NDUFS1: variants seen among roughly 807,000 people sequenced by gnomAD.
NDUFS1 encodes NADH-ubiquinone oxidoreductase 75 kDa subunit, mitochondrial.
A neutral mutation model predicts 84.4 loss-of-function variants in NDUFS1; 61 were observed. The ratio of observed to expected loss-of-function variants is 0.72; its 90% confidence interval spans 0.59 to 0.89. The LOEUF (loss-of-function observed/expected upper bound fraction) is 0.89, where lower values mean the gene tolerates loss of function less well. NDUFS1 is among the 40% of genes least tolerant of loss of function. The pLI, the probability that NDUFS1 is intolerant of heterozygous loss-of-function variation, is 0.00. For missense variants in NDUFS1, 891 were observed against 890.0 expected, an observed-to-expected ratio of 1.00 and a Z score of -0.01; for synonymous variants, 275 against 290.0, an observed-to-expected ratio of 0.95 and a Z score of 0.53.
At chr2:206,155,968 A>G (rs538588533) in intron 1 of NDUFS1, among the ~76,000 whole-genome samples, 1 of 151,972 alleles carries the variant, frequency 6.6e-6, no homozygotes, top group South Asian at 2.1e-4. Context: ...TTGAGCATCC[A>G]AAATCATTTG....
In NDUFS1 at chr2:206,158,655, A is replaced by T. The variant is rs191652180; in HGVS notation, c.-5+686T>A. Among the ~76,000 whole-genome samples, 261 of 152,366 alleles carry T rather than the reference A, an allele frequency of 1.7e-3. 2 individuals carry two copies. The highest frequency in any genetic ancestry group is 3.4e-3 in the Middle Eastern group (1 of 294). On this transcript the variant is annotated intron_variant, in intron 1 of 18. Coordinates refer to ENST00000233190, the MANE Select transcript of NDUFS1 (RefSeq NM_005006.7). The stretch of plus-strand genomic sequence containing the variant: ...CAAAAATAACTTGTTTATTCATCAA[A>T]AACAGTTAACGTTACACTTCTATAC...
Position 206,116,639 on chromosome 2 carries a change from A to G in NDUFS1, c.*7546T>C. Reference sequence around the variant, plus strand: ...GTTGGCTCACATGTGTAATTCCAGAACTTTGGGAGGTCAAGGTGGGAGGAG... The same window carrying G: ...GTTGGCTCACATGTGTAATTCCAGAGCTTTGGGAGGTCAAGGTGGGAGGAG... On this transcript the variant is annotated 3_prime_UTR_variant, in exon 19 of 19. Coordinates refer to ENST00000233190, the MANE Select transcript of NDUFS1 (RefSeq NM_005006.7). 2.3e-6 allele frequency: 1 copy of G among 433,228 alleles called. No homozygotes were observed. Among genetic ancestry groups the G allele is most frequent in the Non-Finnish European group, 4.3e-6 (1 of 234,794 alleles). The allele number at this position is 433,228 out of a possible 1,614,324, so 26.8% of individuals were successfully genotyped here.
intron 15 of NDUFS1, 72 bp downstream of exon 15, chr2:206,130,016 T>G (rs1691442897): frequency 6.4e-7 from 1 of 1,569,860 alleles, no homozygotes; most frequent in African/African-American, 1.4e-5. Context: ...TCACTAAATA[T>G]ATTACTAAAT....
intron 12 of NDUFS1, among the ~76,000 whole-genome samples, chr2:206,141,132 G>A (rs963637416): frequency 1.3e-5 from 2 of 152,096 alleles, no homozygotes; most frequent in Non-Finnish European, 2.9e-5. Context: ...AGAAATTGTT[G>A]CAACTGGGCG....
chr2:206,156,046 G>A (rs1461357488), intron 1 of NDUFS1, among the ~76,000 whole-genome samples: 3 of 151,144 alleles, frequency 2.0e-5, no homozygotes, highest in African/African-American at 2.4e-5. Context: ...GGTGGATCAC[G>A]AGGTCAAGAG....
rs559147044 is a variant in NDUFS1 at position 206,147,609 on chromosome 2, C to T, written c.473G>A (p.Arg158His). ...NDRSRFLEGK[R>H]AVEDKNIGPL... ...CCCAATGTTCTTGTCTTCCACAGCA[C>T]GCTTCCCCTCTAAAAATCGGCTCCT... Residue 158 changes from arginine to histidine, a missense_variant, in exon 7 of 19, where the codon CGT becomes CAT. Physicochemically the swap from Arg to His is conservative, Grantham distance 29. Transcript: ENST00000233190. The T allele has an allele frequency of 4.0e-5, 65 of 1,614,112 alleles. No individual in the cohort carries two copies. The highest frequency in any genetic ancestry group is 9.3e-5 in the African/African-American group (7 of 75,030).
chr2:206,132,601 A>G (rs1251704313), intron 14 of NDUFS1, among the ~76,000 whole-genome samples: 3 of 152,222 alleles, frequency 2.0e-5, no homozygotes, highest in African/African-American at 4.8e-5. Flanking sequence ...AAAAGAAAAA[A>G]AAAGAAAGAA....
At chr2:206,150,028 T>TCTATCTATCTATCTAA in intron 3 of NDUFS1, 103 bp from the exon 4 acceptor site, 1 of 694,628 alleles carries the variant, frequency 1.4e-6, no homozygotes, top group Non-Finnish European at 2.5e-6. Context: ...ATTACTTCTA[T>TCTATCTATCTATCTAA]CTATCTATCT....
At position 206,116,490 on chromosome 2, in the gene NDUFS1, C is replaced by T. The variant is rs1327091733; in HGVS notation, c.*7695G>A. ...CACGGCCCGCACGCTCCGCACCACT[C>T]GCAGCGCCATGTTCCCAGGGGTGCG... On this transcript the variant is annotated 3_prime_UTR_variant, in exon 19 of 19. Coordinates refer to ENST00000233190, the MANE Select transcript of NDUFS1 (RefSeq NM_005006.7). 4.1e-6 allele frequency: 5 copies of T among 1,211,852 alleles called. No homozygotes were observed. Among genetic ancestry groups the T allele is most frequent in the South Asian group, 2.6e-5 (2 of 77,114 alleles). The allele number at this position is 1,211,852 out of a possible 1,614,324, so 75.1% of individuals were successfully genotyped here.
At chr2:206,136,803 T>C (rs1691734652) in intron 13 of NDUFS1, among the ~76,000 whole-genome samples, 1 of 151,804 alleles carries the variant, frequency 6.6e-6, no homozygotes, top group Admixed American at 6.6e-5. Flanking sequence ...TTGCCCAGGC[T>C]GGAGTGCAAT....
At chr2:206,155,562 C>A (rs560748431) in intron 1 of NDUFS1, among the ~76,000 whole-genome samples, 1 of 152,160 alleles carries the variant, frequency 6.6e-6, no homozygotes, top group African/African-American at 2.4e-5. Context: ...GGATTACAGG[C>A]GCCCATCAAC....
intron 9 of NDUFS1, among the ~76,000 whole-genome samples, chr2:206,144,452 T>C (rs1167074993): frequency 1.3e-5 from 2 of 152,200 alleles, no homozygotes; most frequent in Non-Finnish European, 2.9e-5. Context: ...GCTAAAAAAG[T>C]CAAATCATTT....
rs1416492758 is a variant in NDUFS1, at chr2:206,149,913, C to T, written c.166G>A (p.Val56Ile). The T allele has an allele frequency of 5.1e-6, 6 of 1,181,908 alleles. No homozygotes were observed. Among genetic ancestry groups the T allele is most frequent in the Non-Finnish European group, 7.4e-6 (6 of 811,884 alleles). The allele number at this position is 1,181,908 out of a possible 1,614,324, so 73.2% of individuals were successfully genotyped here. A position where few individuals can be genotyped will look rare whatever the true frequency, so the allele number is the denominator to read the frequency against. ...CAGAATCGAGGGATCTGCATGCCAA[C>T]CTTCTCACAAGCCTAGAAGTAAAAA... Reference protein sequence around the residue: ...GTTVLQACEKVGMQIPRFCYH... With the variant: ...GTTVLQACEKIGMQIPRFCYH... Residue 56 changes from valine to isoleucine, a missense_variant, in exon 4 of 19, where the codon GTT becomes ATT. Val to Ile is a conservative substitution (Grantham distance 29). Transcript: ENST00000233190.
chr2:206,156,813 G>C (rs533940047), intron 1 of NDUFS1, among the ~76,000 whole-genome samples: 1 of 152,328 alleles, frequency 6.6e-6, no homozygotes. Context: ...CTGCTAGTGA[G>C]TAATGTTGGG....
At chr2:206,158,300 C>CATA (rs1292362508) in intron 1 of NDUFS1, among the ~76,000 whole-genome samples, 2 of 152,178 alleles carry the variant, frequency 1.3e-5, no homozygotes, top group African/African-American at 4.8e-5. Flanking sequence ...CCACACTATT[C>CATA]CCACACAGCC....
At position 206,116,756 on chromosome 2, in the gene NDUFS1, T is replaced by G; in HGVS notation, c.*7429A>C. On this transcript the variant is annotated 3_prime_UTR_variant, in exon 19 of 19. Transcript: ENST00000233190. ...TTAAAAATTAGCTGGGCGCGGTGGC[T>G]TACGCCTGTAATCCCAGCACTTTGG... 4.4e-6 allele frequency: 1 copy of G among 229,350 alleles called. No homozygotes were observed. Among genetic ancestry groups the G allele is most frequent in the South Asian group, 6.0e-5 (1 of 16,662 alleles). 14.2% of individuals were successfully genotyped at this position (229,350 alleles called of 1,614,324 possible).
chr2:206,131,054 T>C (rs1203941755), intron 14 of NDUFS1, among the ~76,000 whole-genome samples: 1 of 152,090 alleles, frequency 6.6e-6, no homozygotes, highest in Non-Finnish European at 1.5e-5. Flanking sequence ...AAAGAAGAGG[T>C]CTGGAATAAA....
chr2:206,159,066 C>T (rs1576010016), intron 1 of NDUFS1: 1 of 1,535,284 alleles, frequency 6.5e-7, no homozygotes, highest in Non-Finnish European at 8.7e-7. Flanking sequence ...TGAATTTTCC[C>T]TGCAGAGGGA....
At chr2:206,158,312 C>T (rs918929568) in intron 1 of NDUFS1, among the ~76,000 whole-genome samples, 1 of 152,156 alleles carries the variant, frequency 6.6e-6, no homozygotes, top group Admixed American at 6.5e-5. Flanking sequence ...CACACAGCCT[C>T]TCCCCTCTTG....
Sources: allele counts gnomAD v4.1 joint callset (sites outside exome capture counted in the v4.1 genomes callset), GRCh38; gene constraint gnomAD v4.1.1; transcripts MANE v1.5; gene names NCBI Gene and HGNC (gene_info 2026-07-23, HGNC 2026-07-21).